RBFOX1: variants seen among roughly 807,000 people sequenced by gnomAD.
RBFOX1 encodes RNA binding protein fox-1 homolog 1.
Under a neutral mutation model 57.7 loss-of-function variants are expected in RBFOX1, and 8 were observed. The ratio of observed to expected loss-of-function variants is 0.14; its 90% CI spans 0.08 to 0.25. The LOEUF is 0.25. Among genes scored for constraint, RBFOX1 ranks in the 10% least tolerant of loss-of-function variants. The pLI is 1.00. For synonymous variants in RBFOX1, 326 were observed against 222.4 expected (o/e 1.47, Z -4.15); for missense variants, 611 against 548.5 (o/e 1.11, Z -1.14).
At chr16:6,552,169 A>G (rs778287044) in intron 2 of RBFOX1, among the ~76,000 whole-genome samples, 11 of 152,190 alleles carry the variant, frequency 7.2e-5, no homozygotes, top group Admixed American at 2.6e-4. Context: ...AAAAGTTGGA[A>G]CACATCTAGT....
rs138184512 is a variant in RBFOX1 at position 5,347,791 on chromosome 16, C to T, written c.219+107686C>T. On this transcript the variant is annotated intron_variant, in intron 1 of 2. Transcript: ENST00000585867. ...ACTTCCACCCACCCATTGGTCTATCCGCCCACCCTTCCACTTAATCATGCA... is the reference window on the plus strand; with the variant it reads ...ACTTCCACCCACCCATTGGTCTATCTGCCCACCCTTCCACTTAATCATGCA... Among the ~76,000 whole-genome samples the T allele has an allele frequency of 2.7e-3, 402 of 150,522 alleles. 2 individuals are homozygous for T. The highest frequency in any genetic ancestry group is 9.0e-3 in the African/African-American group (366 of 40,838).
At chr16:7,438,251 C>A (rs557979318) in intron 4 of RBFOX1, among the ~76,000 whole-genome samples, 8 of 152,216 alleles carry the variant, frequency 5.3e-5, no homozygotes, top group African/African-American at 9.6e-5. Context: ...TATTAAGATG[C>A]TGATGCGAGA....
chr16:5,779,176 T>C (rs572768842), intron 3 of RBFOX1, among the ~76,000 whole-genome samples: 1 of 152,320 alleles, frequency 6.6e-6, no homozygotes, highest in East Asian at 1.9e-4. Context: ...GAAATGACTG[T>C]TAGGTCAGCT....
intron 1 of RBFOX1, among the ~76,000 whole-genome samples, chr16:5,444,557 C>G (rs959967630): frequency 6.6e-6 from 1 of 152,132 alleles, no homozygotes; most frequent in Non-Finnish European, 1.5e-5. Flanking sequence ...GGCTGTAACC[C>G]GGGGAGGAGA....
intron 3 of RBFOX1, among the ~76,000 whole-genome samples, chr16:5,641,292 C>T (rs1159707063): frequency 6.6e-6 from 1 of 152,164 alleles, no homozygotes; most frequent in African/African-American, 2.4e-5. Context: ...GCTGAGAATA[C>T]AGTGGAAGGG....
At chr16:5,560,713 T>A (rs891362688) in intron 2 of RBFOX1, among the ~76,000 whole-genome samples, 2 of 152,218 alleles carry the variant, frequency 1.3e-5, no homozygotes, top group African/African-American at 4.8e-5. Flanking sequence ...TTTCTTAACC[T>A]ACCAAAGTTT....
intron 4 of RBFOX1, among the ~76,000 whole-genome samples, chr16:7,227,010 A>C (rs2093166857): frequency 6.6e-6 from 1 of 152,050 alleles, no homozygotes; most frequent in Non-Finnish European, 1.5e-5. Context: ...AAAATGGCTA[A>C]AGTTGAGTTG....
intron 3 of RBFOX1, among the ~76,000 whole-genome samples, chr16:6,862,017 C>G (rs1220774112): frequency 6.6e-6 from 1 of 151,996 alleles, no homozygotes; most frequent in African/African-American, 2.4e-5. Flanking sequence ...GTGTGTAAGA[C>G]AAACTCGATA....
At chr16:6,283,609 G>A (rs1396315031) in intron 1 of RBFOX1, among the ~76,000 whole-genome samples, 1 of 152,068 alleles carries the variant, frequency 6.6e-6, no homozygotes, top group Non-Finnish European at 1.5e-5. Flanking sequence ...AATGGGAAAG[G>A]ATGCCTAACT....
chr16:6,357,612 GCT>G (rs146259757), intron 2 of RBFOX1, among the ~76,000 whole-genome samples: 2 of 150,726 alleles, frequency 1.3e-5, no homozygotes, highest in Non-Finnish European at 3.0e-5. Context: ...TCCCGCTTGT[GCT>G]CTCTCTCTCT....
At chr16:7,464,967 G>A (rs1429864035) in intron 4 of RBFOX1, among the ~76,000 whole-genome samples, 2 of 151,672 alleles carry the variant, frequency 1.3e-5, no homozygotes, top group Admixed American at 1.3e-4. Context: ...AAAGTGCTGC[G>A]ATTACAGGGA....
At chr16:7,286,159 A>C (rs1265125086) in intron 4 of RBFOX1, among the ~76,000 whole-genome samples, 8 of 152,236 alleles carry the variant, frequency 5.3e-5, no homozygotes, top group Non-Finnish European at 8.8e-5. Flanking sequence ...CATAGGGATT[A>C]AATGAAATAA....
At chr16:7,606,683 T>G (rs923419528) in intron 9 of RBFOX1, among the ~76,000 whole-genome samples, 3 of 152,254 alleles carry the variant, frequency 2.0e-5, no homozygotes, top group Non-Finnish European at 4.4e-5. Context: ...ACAGATTATT[T>G]GAAAGTTACC....
chr16:7,135,030 C>G (rs1453075072), intron 4 of RBFOX1, among the ~76,000 whole-genome samples: 3 of 151,330 alleles, frequency 2.0e-5, no homozygotes, highest in African/African-American at 7.3e-5. Context: ...AGATATCATT[C>G]TGAGAAAAAT....
At chr16:7,223,805 C>G (rs184616366) in intron 4 of RBFOX1, among the ~76,000 whole-genome samples, 130 of 130,070 alleles carry the variant, frequency 1.0e-3, no homozygotes, top group Non-Finnish European at 1.6e-3. Flanking sequence ...GAAATGGGAG[C>G]ACTTCCTAAA....
In RBFOX1 at chr16:7,482,351, G is replaced by A. The variant is rs2064179529; in HGVS notation, c.28-35796G>A. 2.0e-5 allele frequency among the ~76,000 whole-genome samples: 3 copies of A among 152,058 alleles called. No homozygotes were observed. In the South Asian group the frequency reaches 6.2e-4, roughly 32 times the overall value. On this transcript the variant is annotated intron_variant, in intron 4 of 15. Coordinates refer to ENST00000550418, the MANE Select transcript of RBFOX1 (RefSeq NM_018723.4). Reference sequence around the variant, plus strand: ...CCACTTTACCGGTGAGAAAAATGAGGCTCAAAGAGGCTTGTTCAGTCCGCA... The same window carrying A: ...CCACTTTACCGGTGAGAAAAATGAGACTCAAAGAGGCTTGTTCAGTCCGCA...
chr16:5,367,372 G>A (rs956728792), intron 1 of RBFOX1, among the ~76,000 whole-genome samples: 15 of 152,248 alleles, frequency 9.9e-5, no homozygotes, highest in African/African-American at 3.4e-4. Context: ...TTACTCCTAG[G>A]TAGAGAGACG....
chr16:7,047,107 C>G (rs568024292), intron 3 of RBFOX1, among the ~76,000 whole-genome samples: 1 of 148,112 alleles, frequency 6.8e-6, no homozygotes, highest in South Asian at 2.1e-4. Flanking sequence ...AGAGTCCAGT[C>G]ACCTATTAAC....
At chr16:7,118,420 T>C (rs1392357121) in intron 4 of RBFOX1, among the ~76,000 whole-genome samples, 2 of 152,020 alleles carry the variant, frequency 1.3e-5, no homozygotes, top group African/African-American at 2.4e-5. Flanking sequence ...AGTCAGAGAC[T>C]CAGAAGGAGG....
Sources: gnomAD v4.1 joint callset for allele counts (sites outside exome capture counted in the v4.1 genomes callset) on GRCh38, gnomAD v4.1.1 for gene constraint, MANE v1.5 for transcripts, NCBI Gene and HGNC (gene_info 2026-07-23, HGNC 2026-07-21) for gene names.